RPIA: variants seen among roughly 807,000 people sequenced by gnomAD.
RPIA encodes ribose 5-phosphate isomerase A.
Under a neutral mutation model 37.8 loss-of-function variants are expected in RPIA, and 29 were observed. The ratio of observed to expected loss-of-function variants is 0.77; its 90% CI spans 0.57 to 1.05. The LOEUF is 1.05. Among genes scored for constraint, RPIA ranks in the 50% least tolerant of loss-of-function variants. RPIA has a pLI of 0.00. For synonymous variants in RPIA, 167 were observed against 157.0 expected, an observed-to-expected ratio of 1.06 and a Z score of -0.48; for missense variants, 385 against 413.6, an observed-to-expected ratio of 0.93 and a Z score of 0.60.
Position 88,750,252 on chromosome 2 carries a change from A to G in RPIA, c.*174A>G, listed in dbSNP as rs576062000. On this transcript the variant is annotated 3_prime_UTR_variant, in exon 9 of 9. Coordinates refer to ENST00000283646, the MANE Select transcript of RPIA (RefSeq NM_144563.3). The stretch of plus-strand genomic sequence containing the variant: ...CAGTCTTATGAAGTATTGTTATTAA[A>G]TGTCTTTTTAAAAAGAGAAATATAA... 5.7e-6 allele frequency: 3 copies of G among 522,894 alleles called. No homozygotes were observed. Among genetic ancestry groups the G allele is most frequent in the African/African-American group, 1.9e-5 (1 of 52,694 alleles). The allele number at this position is 522,894 out of a possible 1,614,324, so 32.4% of individuals were successfully genotyped here. A position where few individuals can be genotyped will look rare whatever the true frequency, so the allele number is the denominator to read the frequency against.
intron 3 of RPIA, among the ~76,000 whole-genome samples, chr2:88,726,760 GAGAA>G (rs1673202032): frequency 6.6e-6 from 1 of 152,046 alleles, no homozygotes; most frequent in East Asian, 1.9e-4. Context: ...GTTTGTTTTT[GAGAA>G]AGAGTCTTGC....
At chr2:88,748,801 C>T (rs1405811125) in intron 8 of RPIA, among the ~76,000 whole-genome samples, 1 of 152,116 alleles carries the variant, frequency 6.6e-6, no homozygotes, top group Non-Finnish European at 1.5e-5. Context: ...AACCTCTGCT[C>T]CTGGGCTCAG....
intron 5 of RPIA, among the ~76,000 whole-genome samples, chr2:88,735,227 C>A (rs562277012): frequency 2.6e-5 from 4 of 152,292 alleles, no homozygotes; most frequent in African/African-American, 9.6e-5. Context: ...AGCTGCTAAA[C>A]CCTAGAGGTA....
intron 3 of RPIA, among the ~76,000 whole-genome samples, chr2:88,724,130 T>G (rs934182882): frequency 6.6e-6 from 1 of 152,138 alleles, no homozygotes; most frequent in African/African-American, 2.4e-5. Context: ...CACAGTTTTA[T>G]GTCTGGCTTT....
At chr2:88,700,203 C>G (rs1672811153) in intron 3 of RPIA, 139 bp downstream of exon 3, 1 of 809,350 alleles carries the variant, frequency 1.2e-6, no homozygotes, top group South Asian at 1.4e-5. Context: ...GTTTATTGAC[C>G]AAGGATTCCT....
intron 7 of RPIA, 112 bp from the exon 8 acceptor site, chr2:88,737,865 G>A (rs1673334212): frequency 3.9e-6 from 3 of 770,452 alleles, no homozygotes; most frequent in Non-Finnish European, 7.0e-6. Context: ...GAAAGCATAA[G>A]GTGGGAGCAG....
chr2:88,693,986 T>C (rs1027480128), intron 1 of RPIA, among the ~76,000 whole-genome samples: 1 of 152,266 alleles, frequency 6.6e-6, no homozygotes, highest in Admixed American at 6.5e-5. Context: ...TTTGTTTTTT[T>C]ACTAGCTTGG....
chr2:88,696,227 T>C (rs1672743198), intron 1 of RPIA, among the ~76,000 whole-genome samples: 1 of 151,972 alleles, frequency 6.6e-6, no homozygotes, highest in African/African-American at 2.4e-5. Context: ...TGAAATAGAT[T>C]GATGTTTCAG....
chr2:88,741,775 T>C (rs1558700714), intron 8 of RPIA, among the ~76,000 whole-genome samples: 1 of 152,214 alleles, frequency 6.6e-6, no homozygotes, highest in Non-Finnish European at 1.5e-5. Flanking sequence ...TAAGGTGGTA[T>C]TGCATTGTGG....
In RPIA at chr2:88,750,812, T is replaced by C. The variant is rs1673496786; in HGVS notation, c.*734T>C. 7.5e-6 allele frequency: 3 copies of C among 398,460 alleles called. No homozygotes were observed. The highest frequency in any genetic ancestry group is 6.2e-5 in the African/African-American group (3 of 48,636). The allele number at this position is 398,460 out of a possible 1,614,324, so 24.7% of individuals were successfully genotyped here. On this transcript the variant is annotated 3_prime_UTR_variant, in exon 9 of 9. Coordinates refer to ENST00000283646, the MANE Select transcript of RPIA (RefSeq NM_144563.3). ...TACTTTGTTTTTTTATTTTTAATGA[T>C]TTTCTTTTTGTTATTAATATTTTTC...
chr2:88,711,859 G>C (rs1457702040), intron 3 of RPIA, among the ~76,000 whole-genome samples: 1 of 152,210 alleles, frequency 6.6e-6, no homozygotes, highest in Non-Finnish European at 1.5e-5. Flanking sequence ...ATCTGTTTTA[G>C]CTGGGAGTGG....
intron 3 of RPIA, among the ~76,000 whole-genome samples, chr2:88,720,706 C>T (rs1345483402): frequency 6.6e-6 from 1 of 151,684 alleles, no homozygotes; most frequent in Non-Finnish European, 1.5e-5. Flanking sequence ...ATTAAAAAGT[C>T]AGGAAACAAC....
At chr2:88,736,744 C>G in intron 7 of RPIA, 68 bp downstream of exon 7, 1 of 1,549,418 alleles carries the variant, frequency 6.5e-7, no homozygotes, top group East Asian at 2.3e-5. Flanking sequence ...GTCCTCCCTT[C>G]TGTTGCAGTT....
intron 3 of RPIA, among the ~76,000 whole-genome samples, chr2:88,702,339 A>G (rs1558688853): frequency 1.3e-5 from 2 of 150,720 alleles, no homozygotes; most frequent in Non-Finnish European, 3.0e-5. Flanking sequence ...ACCTTTTCCT[A>G]TTGTGTTAGT....
intron 2 of RPIA, among the ~76,000 whole-genome samples, chr2:88,699,773 A>C (rs1357813022): frequency 6.6e-6 from 1 of 152,232 alleles, no homozygotes; most frequent in Non-Finnish European, 1.5e-5. Flanking sequence ...AATGGCAAAC[A>C]CTGACACTGC....
chr2:88,708,680 C>T (rs1672925214), intron 3 of RPIA, among the ~76,000 whole-genome samples: 1 of 151,434 alleles, frequency 6.6e-6, no homozygotes. Context: ...AGAGAAGTTG[C>T]TCTTGGGTTA....
intron 3 of RPIA, among the ~76,000 whole-genome samples, chr2:88,725,489 A>G (rs2104118366): frequency 7.2e-6 from 1 of 139,762 alleles, no homozygotes; most frequent in Middle Eastern, 3.6e-3. Flanking sequence ...GGTTGCTGAT[A>G]TCCTTTGGTG....
chr2:88,710,527 T>C (rs1486505520), intron 3 of RPIA, among the ~76,000 whole-genome samples: 1 of 152,170 alleles, frequency 6.6e-6, no homozygotes, highest in Non-Finnish European at 1.5e-5. Flanking sequence ...AAAACCATTG[T>C]AGTAACTATC....
chr2:88,735,692 T>C lies in RPIA; in HGVS notation c.551T>C (p.Ile184Thr), dbSNP rs751016356. Residue 184 changes from isoleucine to threonine, a missense_variant, in exon 6 of 9, where the codon ATT (isoleucine) becomes ACT (threonine). This residue lies in a region of RPIA where 153 missense variants were observed against 210.6 expected (regional missense o/e 0.73). Transcript: ENST00000283646. ...AGAGGCTGCCTGACCCAGGAGAAGATTGTGGCTGGCTATGCTAGTCGCTTC... is the reference window on the plus strand; with the variant it reads ...AGAGGCTGCCTGACCCAGGAGAAGACTGTGGCTGGCTATGCTAGTCGCTTC... ...GGGGCLTQEKIVAGYASRFIV... is the reference protein window; with the variant it reads ...GGGGCLTQEKTVAGYASRFIV... The C allele has an allele frequency of 5.0e-6, 8 of 1,614,160 alleles. No individual in the cohort carries two copies. The highest frequency in any genetic ancestry group is 5.1e-6 in the Non-Finnish European group (6 of 1,180,010).
Sources: gnomAD v4.1 joint callset for allele counts (sites outside exome capture counted in the v4.1 genomes callset) on GRCh38, gnomAD v4.1.1 for gene constraint, gnomAD v4.1.1 regional missense constraint, MANE v1.5 for transcripts, NCBI Gene and HGNC (gene_info 2026-07-23, HGNC 2026-07-21) for gene names.